The following CAMKMT variants were observed in gnomAD, a reference collection of about 807,000 sequenced individuals.
The protein encoded by CAMKMT is calmodulin-lysine N-methyltransferase.
In CAMKMT, 53 loss-of-function variants were observed where a neutral mutation model predicts 48.0. The observed-to-expected ratio is 1.10, with a 90% CI of 0.89 to 1.39. CAMKMT has a LOEUF of 1.39. Among genes scored for constraint, CAMKMT ranks in the 40% most tolerant of loss-of-function variants. The pLI, the probability that CAMKMT is intolerant of heterozygous loss-of-function variation, is 0.00. For synonymous variants in CAMKMT, 165 were observed against 152.3 expected (o/e 1.08, Z -0.61); for missense variants, 428 against 402.7 (o/e 1.06, Z -0.54).
intron 3 of CAMKMT, among the ~76,000 whole-genome samples, chr2:44,629,433 CTTTTT>C (rs897761983): frequency 8.0e-6 from 1 of 125,326 alleles, no homozygotes; most frequent in Non-Finnish European, 1.7e-5. Context: ...TTCTTTCTTT[CTTTTT>C]TTTTTTTTTT....
intron 3 of CAMKMT, among the ~76,000 whole-genome samples, chr2:44,400,565 C>T (rs1378945693): frequency 2.0e-5 from 3 of 152,018 alleles, no homozygotes; most frequent in African/African-American, 4.8e-5. Flanking sequence ...TCTCATTAGT[C>T]ATGTTGTTTA....
chr2:44,504,844 G>C (rs1003919238), intron 3 of CAMKMT, among the ~76,000 whole-genome samples: 1 of 152,138 alleles, frequency 6.6e-6, no homozygotes, highest in African/African-American at 2.4e-5. Flanking sequence ...ATCTGAAGCT[G>C]GGTAATTTGT....
At chr2:44,512,127 G>A in intron 3 of CAMKMT, among the ~76,000 whole-genome samples, 1 of 152,096 alleles carries the variant, frequency 6.6e-6, no homozygotes, top group Non-Finnish European at 1.5e-5. Flanking sequence ...ACTTACCAAG[G>A]AACTCAGACT....
chr2:44,519,205 G>C (rs1670977981), intron 3 of CAMKMT, among the ~76,000 whole-genome samples: 1 of 152,202 alleles, frequency 6.6e-6, no homozygotes, highest in Non-Finnish European at 1.5e-5. Flanking sequence ...TGTTAAAGCT[G>C]TTCCAGACTC....
chr2:44,376,114 G>A (rs970464380), intron 2 of CAMKMT, among the ~76,000 whole-genome samples: 2 of 151,982 alleles, frequency 1.3e-5, no homozygotes, highest in African/African-American at 4.8e-5. Flanking sequence ...AAGGGGCTAA[G>A]CATTGGAGAT....
chr2:44,673,500 A>AGGAAGGAAGGAG, intron 3 of CAMKMT, among the ~76,000 whole-genome samples: 1 of 142,224 alleles, frequency 7.0e-6, no homozygotes, highest in Admixed American at 7.0e-5. Context: ...GAAGGAAGGA[A>AGGAAGGAAGGAG]GGAAGGAAGG....
At position 44,690,039 on chromosome 2, in the gene CAMKMT, A is replaced by G. The variant is rs537998079; in HGVS notation, c.377-14244A>G. ...GTTATTTTCTGAAGCTCTGAGATTT[A>G]ATTAACAAAGGTAGTTCTAATTCCA... On this transcript the variant is annotated intron_variant, in intron 3 of 10. Coordinates refer to ENST00000378494, the MANE Select transcript of CAMKMT (RefSeq NM_024766.5). 2.0e-4 allele frequency among the ~76,000 whole-genome samples: 31 copies of G among 152,340 alleles called. 1 individual carries two copies. In the South Asian group the frequency reaches 3.5e-3, roughly 17 times the overall value.
chr2:44,605,763 C>T (rs1225362131), intron 3 of CAMKMT, among the ~76,000 whole-genome samples: 1 of 152,038 alleles, frequency 6.6e-6, no homozygotes, highest in African/African-American at 2.4e-5. Context: ...ACATATCTTG[C>T]TTGTCCTAAT....
chr2:44,499,339 C>T (rs953063357), intron 3 of CAMKMT, among the ~76,000 whole-genome samples: 5 of 152,158 alleles, frequency 3.3e-5, no homozygotes, highest in Non-Finnish European at 4.4e-5. Flanking sequence ...TTTGTAGGAT[C>T]ATGTAAAAGA....
intron 3 of CAMKMT, among the ~76,000 whole-genome samples, chr2:44,536,754 C>T (rs1235058292): frequency 6.6e-6 from 1 of 152,084 alleles, no homozygotes; most frequent in Non-Finnish European, 1.5e-5. Context: ...TACTACCTGA[C>T]TTTAAAGTAT....
At chr2:44,385,405 T>G (rs1195409116) in intron 2 of CAMKMT, among the ~76,000 whole-genome samples, 1 of 152,178 alleles carries the variant, frequency 6.6e-6, no homozygotes, top group African/African-American at 2.4e-5. Flanking sequence ...GTTGTCGAGG[T>G]AAACAATCAT....
At chr2:44,362,694 G>A (rs1383240617) in intron 1 of CAMKMT, among the ~76,000 whole-genome samples, 2 of 152,186 alleles carry the variant, frequency 1.3e-5, no homozygotes, top group East Asian at 3.9e-4. Flanking sequence ...TCTCACTGAG[G>A]TCTCAAAGTT....
At chr2:44,397,892 A>G (rs972846837) in intron 3 of CAMKMT, among the ~76,000 whole-genome samples, 2 of 152,212 alleles carry the variant, frequency 1.3e-5, no homozygotes, top group Non-Finnish European at 2.9e-5. Flanking sequence ...GTGCAATAAT[A>G]TAGAGAGGTA....
chr2:44,492,672 A>T (rs986470165), intron 3 of CAMKMT, among the ~76,000 whole-genome samples: 1 of 152,022 alleles, frequency 6.6e-6, no homozygotes, highest in African/African-American at 2.4e-5. Context: ...TGCTTGGTTT[A>T]TCTTTGGTGT....
At chr2:44,556,472 T>G (rs1668018833) in intron 3 of CAMKMT, among the ~76,000 whole-genome samples, 1 of 18,954 alleles carries the variant, frequency 5.3e-5, no homozygotes, top group East Asian at 4.2e-4. Flanking sequence ...TTTTTTTTTT[T>G]TTTTTTTTGA....
chr2:44,489,393 C>A lies in CAMKMT; in HGVS notation c.376+99088C>A, dbSNP rs140693245. Among the ~76,000 whole-genome samples the A allele has an allele frequency of 7.3e-3, 1,115 of 151,918 alleles. 15 individuals carry two copies. Among genetic ancestry groups the A allele is most frequent in the African/African-American group, 0.026 (1,070 of 41,428 alleles). ...CTTGAGTATTTGGGATTACAGGCAC[C>A]CGCCAGCATGCCCAGCTAATTTTTG... On this transcript the variant is annotated intron_variant, in intron 3 of 10. Coordinates refer to ENST00000378494, the MANE Select transcript of CAMKMT (RefSeq NM_024766.5).
chr2:44,631,943 C>T lies in CAMKMT; in HGVS notation c.377-72340C>T, dbSNP rs113187734. Among the ~76,000 whole-genome samples the T allele has an allele frequency of 4.3e-3, 652 of 152,188 alleles. 2 individuals are homozygous for T. Among genetic ancestry groups the T allele is most frequent in the African/African-American group, 0.015 (617 of 41,544 alleles). On this transcript the variant is annotated intron_variant, in intron 3 of 10. Transcript: ENST00000378494. ...CTTCACATAATATTATACTATTTCACATATAATGTTAGAAGCTTTAAGAAT... is the reference window on the plus strand; with the variant it reads ...CTTCACATAATATTATACTATTTCATATATAATGTTAGAAGCTTTAAGAAT...
intron 3 of CAMKMT, among the ~76,000 whole-genome samples, chr2:44,610,162 G>A (rs1454601544): frequency 6.6e-6 from 1 of 152,110 alleles, no homozygotes; most frequent in Non-Finnish European, 1.5e-5. Flanking sequence ...GATTTATTGA[G>A]CATCTATTTA....
intron 7 of CAMKMT, among the ~76,000 whole-genome samples, chr2:44,718,234 A>G (rs1678275836): frequency 6.6e-6 from 1 of 152,134 alleles, no homozygotes; most frequent in African/African-American, 2.4e-5. Flanking sequence ...CTTAGCTACC[A>G]AACTTTCCTG....
Sources: allele counts gnomAD v4.1 joint callset (sites outside exome capture counted in the v4.1 genomes callset), GRCh38; gene constraint gnomAD v4.1.1; transcripts MANE v1.5; gene names NCBI Gene and HGNC (gene_info 2026-07-23, HGNC 2026-07-21).